Variants in DSTYK observed in about 807,000 individuals in gnomAD.
The protein encoded by DSTYK is dual serine/threonine and tyrosine protein kinase.
In DSTYK, 34 loss-of-function variants were observed where a neutral mutation model predicts 98.7. That is an observed-to-expected ratio of 0.34 (90% CI 0.26 to 0.46). DSTYK has a LOEUF of 0.46. Among genes scored for constraint, DSTYK ranks in the 20% least tolerant of loss-of-function variants. DSTYK has a pLI of 1.00. For synonymous variants in DSTYK, 462 were observed against 457.3 expected (o/e 1.01, Z -0.13); for missense variants, 962 against 1,181.7 (o/e 0.81, Z 2.73).
intron 2 of DSTYK, among the ~76,000 whole-genome samples, chr1:205,184,315 G>A (rs186852185): frequency 6.6e-6 from 1 of 152,150 alleles, no homozygotes; most frequent in African/African-American, 2.4e-5. Flanking sequence ...GCTCACGCCT[G>A]TAATCCCAGC....
intron 1 of DSTYK, among the ~76,000 whole-genome samples, chr1:205,189,754 C>T (rs1414861573): frequency 6.6e-6 from 1 of 152,164 alleles, no homozygotes; most frequent in Admixed American, 6.6e-5. Context: ...CTTTTCATGT[C>T]TGTCTATAAG....
chr1:205,159,760 T>C lies in DSTYK; in HGVS notation c.2106-81A>G, dbSNP rs1050276610. 1.9e-6 allele frequency: 3 copies of C among 1,570,238 alleles called. No homozygotes were observed. The African/African-American group carries it at 4.0e-5, about 21-fold the overall frequency. On this transcript the variant is annotated intron_variant, in intron 8 of 12. Transcript: ENST00000367162. ...CATGCCACAATGTATGAGACAATAA[T>C]TTCCAGACCATGCTTAGGACAGGTC... is the stretch of plus-strand genomic sequence containing the variant.
intron 1 of DSTYK, among the ~76,000 whole-genome samples, chr1:205,207,080 C>CTTTTT (rs34237326): frequency 7.1e-6 from 1 of 140,658 alleles, no homozygotes. Flanking sequence ...ACTCCAGTAT[C>CTTTTT]TTTTTTTTTT....
At chr1:205,199,699 T>C (rs886209431) in intron 1 of DSTYK, among the ~76,000 whole-genome samples, 10 of 152,226 alleles carry the variant, frequency 6.6e-5, no homozygotes, top group Non-Finnish European at 1.0e-4. Flanking sequence ...GGACTCGCCC[T>C]CTGTAGTCTT....
chr1:205,176,805 C>A lies in DSTYK; in HGVS notation c.655-6973G>T, dbSNP rs1007311940. On this transcript the variant is annotated intron_variant, in intron 2 of 12. Coordinates refer to ENST00000367162, the MANE Select transcript of DSTYK (RefSeq NM_015375.3). ...ATCACTGACGAAGGCTGACCCCTTC[C>A]TAAGAATACTGACTCTTATAGGTGA... is the stretch of plus-strand genomic sequence containing the variant. 3.3e-5 allele frequency among the ~76,000 whole-genome samples: 5 copies of A among 152,232 alleles called. No homozygotes were observed. The South Asian group carries it at 1.0e-3, about 32-fold the overall frequency.
At chr1:205,192,288 T>C (rs567103613) in intron 1 of DSTYK, among the ~76,000 whole-genome samples, 81 of 152,154 alleles carry the variant, frequency 5.3e-4, no homozygotes, top group African/African-American at 1.7e-3. Flanking sequence ...TCCCAGGACT[T>C]TGGGAGGCCG....
chr1:205,168,844 C>G (rs150963260), intron 3 of DSTYK, among the ~76,000 whole-genome samples: 1 of 152,280 alleles, frequency 6.6e-6, no homozygotes, highest in East Asian at 1.9e-4. Context: ...CTAACATTCT[C>G]CAAGCAGCTC....
At chr1:205,149,264 G>C (rs1657335651) in intron 11 of DSTYK, among the ~76,000 whole-genome samples, 1 of 151,910 alleles carries the variant, frequency 6.6e-6, no homozygotes, top group Admixed American at 6.6e-5. Context: ...ACTTGGTTCA[G>C]ATGTTGAGTA....
In DSTYK at chr1:205,163,746, T is replaced by C; in HGVS notation, c.1534A>G (p.Ile512Val). ...LEKSQDVSVH[I>V]TSNYLKQILN... ...ACCTGTTTGAGATAATTACTGGTGA[T>C]GTGAACTGAGACATCCTGAGACTTC... is the stretch of plus-strand genomic sequence containing the variant. Residue 512 changes from isoleucine to valine, a missense_variant, in exon 4 of 13, where the codon ATC (isoleucine) becomes GTC (valine). By Grantham distance (29) the Ile-to-Val change is conservative. Transcript: ENST00000367162. 1 of 1,614,084 alleles carries C rather than the reference T, an allele frequency of 6.2e-7. No individual in the cohort carries two copies. Among genetic ancestry groups the C allele is most frequent in the Non-Finnish European group, 8.5e-7 (1 of 1,179,968 alleles).
At chr1:205,171,030 G>GAA (rs34037566) in intron 2 of DSTYK, among the ~76,000 whole-genome samples, 69,876 of 143,436 alleles carry the variant, frequency 0.49, 19,617 homozygotes, top group Non-Finnish European at 0.63. Context: ...TTCATGTAAG[G>GAA]AAAAAAAAAA....
intron 2 of DSTYK, among the ~76,000 whole-genome samples, chr1:205,172,517 A>G (rs953632492): frequency 1.4e-5 from 2 of 146,864 alleles, no homozygotes; most frequent in African/African-American, 2.5e-5. Flanking sequence ...GGGTTTTGCC[A>G]TGTTGCCCAG....
At chr1:205,190,766 C>G (rs962955949) in intron 1 of DSTYK, among the ~76,000 whole-genome samples, 1 of 152,094 alleles carries the variant, frequency 6.6e-6, no homozygotes, top group African/African-American at 2.4e-5. Context: ...ATTCCCTGTC[C>G]TCCCCAGATT....
chr1:205,205,796 T>C (rs1237861035), intron 1 of DSTYK, among the ~76,000 whole-genome samples: 1 of 152,186 alleles, frequency 6.6e-6, no homozygotes, highest in African/African-American at 2.4e-5. Flanking sequence ...TTCTTTTAAA[T>C]GCTGGCACAT....
intron 1 of DSTYK, among the ~76,000 whole-genome samples, chr1:205,209,631 GACTAGTTTTTCTGAAACT>G (rs1308039455): frequency 1.6e-5 from 1 of 62,062 alleles, no homozygotes; most frequent in African/African-American, 3.3e-5. Flanking sequence ...GGAGGGGGAT[GACTAGTTTTTCTGAAACT>G]ACTAGTTTTT....
At chr1:205,189,552 ATTTT>A (rs1342327243) in intron 1 of DSTYK, among the ~76,000 whole-genome samples, 1 of 152,198 alleles carries the variant, frequency 6.6e-6, no homozygotes, top group Non-Finnish European at 1.5e-5. Context: ...TAGGCCATTT[ATTTT>A]GTTTGTTTCC....
intron 1 of DSTYK, among the ~76,000 whole-genome samples, chr1:205,189,045 C>T (rs1574787893): frequency 6.6e-6 from 1 of 151,980 alleles, no homozygotes; most frequent in African/African-American, 2.4e-5. Flanking sequence ...ATCGAAATAC[C>T]ACATGTATCC....
intron 2 of DSTYK, among the ~76,000 whole-genome samples, chr1:205,179,035 G>T (rs1658316052): frequency 6.6e-6 from 1 of 151,856 alleles, no homozygotes; most frequent in Non-Finnish European, 1.5e-5. Flanking sequence ...GGGCTGAGGT[G>T]AGAGGATCAC....
chr1:205,155,464 T>C (rs993517278), intron 10 of DSTYK, among the ~76,000 whole-genome samples: 1 of 150,920 alleles, frequency 6.6e-6, no homozygotes, highest in Admixed American at 6.6e-5. Flanking sequence ...AGGTCTGGAG[T>C]TGGAGACCAG....
intron 9 of DSTYK, among the ~76,000 whole-genome samples, chr1:205,158,653 C>G (rs1657627264): frequency 6.6e-6 from 1 of 152,112 alleles, no homozygotes; most frequent in Non-Finnish European, 1.5e-5. Flanking sequence ...TCCAATGTGC[C>G]CAGTGTCCTT....
Sources: gnomAD v4.1 joint callset for allele counts (sites outside exome capture counted in the v4.1 genomes callset) on GRCh38, gnomAD v4.1.1 for gene constraint, MANE v1.5 for transcripts, NCBI Gene and HGNC (gene_info 2026-07-23, HGNC 2026-07-21) for gene names.